Variants in HPSE2 observed in about 807,000 individuals in gnomAD.
HPSE2 encodes inactive heparanase-2.
HPSE2 carries 38 observed loss-of-function variants against 60.5 expected under a neutral mutation model. The observed-to-expected ratio is 0.63, with a 90% confidence interval of 0.48 to 0.82. The LOEUF (loss-of-function observed/expected upper bound fraction) is 0.82. Ranked by LOEUF, HPSE2 falls within the 40% of genes least tolerant of loss-of-function variation. The probability of loss-of-function intolerance (pLI) is 0.00; values close to 1 mark genes in which losing one functional copy is unlikely to be tolerated. For synonymous variants in HPSE2, 295 were observed against 293.2 expected (o/e 1.01, Z -0.06); for missense variants, 713 against 740.4 (o/e 0.96, Z 0.43).
chr10:99,001,416 T>C (rs1463804171), intron 3 of HPSE2, among the ~76,000 whole-genome samples: 1 of 152,136 alleles, frequency 6.6e-6, no homozygotes, highest in Non-Finnish European at 1.5e-5. Context: ...CATTATTCAC[T>C]GTAACGAAAT....
intron 3 of HPSE2, among the ~76,000 whole-genome samples, chr10:99,002,597 A>G (rs1956800743): frequency 6.6e-6 from 1 of 152,140 alleles, no homozygotes; most frequent in Admixed American, 6.5e-5. Context: ...ATCATCAAAA[A>G]CAAGAAAAGT....
chr10:99,015,724 C>A (rs1030988178), intron 3 of HPSE2, among the ~76,000 whole-genome samples: 7 of 151,988 alleles, frequency 4.6e-5, no homozygotes, highest in African/African-American at 1.7e-4. Flanking sequence ...TGTTAAAGGA[C>A]GAGTTAATGG....
At chr10:99,184,522 C>CAAAAAAAAAAAAAAAAAAAAAAAAAAA (rs200059066) in intron 2 of HPSE2, among the ~76,000 whole-genome samples, 1 of 60,788 alleles carries the variant, frequency 1.6e-5, no homozygotes, top group Non-Finnish European at 2.6e-5. Flanking sequence ...GAGACTGTCT[C>CAAAAAAAAAAAAAAAAAAAAAAAAAAA]AAAAAAAAAA....
intron 3 of HPSE2, among the ~76,000 whole-genome samples, chr10:98,804,535 C>G (rs1565175553): frequency 2.0e-5 from 3 of 152,042 alleles, no homozygotes; most frequent in Non-Finnish European, 2.9e-5. Flanking sequence ...AAATGGGGCT[C>G]AACATCATTG....
the HPSE2 span, among the ~76,000 whole-genome samples, chr10:99,312,738 T>C: frequency 6.6e-6 from 1 of 152,238 alleles, no homozygotes; most frequent in South Asian, 2.1e-4. Flanking sequence ...GTCTTATGAT[T>C]TAAGAAATAC....
chr10:98,580,836 A>ATATATATATATATATGTGTGTGTGTG, intron 9 of HPSE2, among the ~76,000 whole-genome samples: 16 of 119,548 alleles, frequency 1.3e-4, no homozygotes, highest in African/African-American at 5.4e-4. Context: ...ATATATATAT[A>ATATATATATATATATGTGTGTGTGTG]TGTGTGTGTG....
At chr10:98,855,651 C>T (rs943133991) in intron 3 of HPSE2, among the ~76,000 whole-genome samples, 2 of 152,016 alleles carry the variant, frequency 1.3e-5, no homozygotes, top group Admixed American at 1.3e-4. Flanking sequence ...TCCCAGTCAA[C>T]CAGAATGAAA....
intron 2 of HPSE2, among the ~76,000 whole-genome samples, chr10:99,195,812 C>A (rs1393353788): frequency 6.6e-6 from 1 of 151,254 alleles, no homozygotes; most frequent in Non-Finnish European, 1.5e-5. Flanking sequence ...CAATGCAATC[C>A]CTATCAAAAT....
chr10:98,956,138 T>C (rs1385305426), intron 3 of HPSE2, among the ~76,000 whole-genome samples: 1 of 152,040 alleles, frequency 6.6e-6, no homozygotes, highest in African/African-American at 2.4e-5. Flanking sequence ...AAACAAAAAG[T>C]AATTTGTTAT....
intron 3 of HPSE2, among the ~76,000 whole-genome samples, chr10:98,966,153 A>C (rs964802772): frequency 1.3e-5 from 2 of 152,134 alleles, no homozygotes; most frequent in African/African-American, 4.8e-5. Flanking sequence ...AGCCTCCCAA[A>C]GTGCTGGGCT....
intron 3 of HPSE2, among the ~76,000 whole-genome samples, chr10:99,066,587 G>A (rs1475908200): frequency 6.6e-6 from 1 of 152,028 alleles, no homozygotes; most frequent in African/African-American, 2.4e-5. Context: ...CTTGTTCAGG[G>A]GAACTCCCAT....
chr10:98,828,073 C>G (rs919183352), intron 3 of HPSE2, among the ~76,000 whole-genome samples: 7 of 152,160 alleles, frequency 4.6e-5, no homozygotes, highest in African/African-American at 1.7e-4. Flanking sequence ...TCTGGGTGTC[C>G]TGCCTACCAG....
At chr10:98,595,706 C>T (rs183276472) in intron 9 of HPSE2, among the ~76,000 whole-genome samples, 1 of 152,174 alleles carries the variant, frequency 6.6e-6, no homozygotes, top group African/African-American at 2.4e-5. Flanking sequence ...TTTCTCTTGC[C>T]TAACTGTCCT....
intron 7 of HPSE2, among the ~76,000 whole-genome samples, chr10:98,639,595 A>C (rs1275477792): frequency 6.6e-6 from 1 of 152,304 alleles, no homozygotes; most frequent in South Asian, 2.1e-4. Context: ...TACCAATTGC[A>C]CGCAGAGTTT....
chr10:98,462,044 C>T (rs998934302), intron 11 of HPSE2, among the ~76,000 whole-genome samples: 7 of 152,086 alleles, frequency 4.6e-5, no homozygotes, highest in African/African-American at 1.4e-4. Flanking sequence ...ACCTCACTGC[C>T]CTGTAGCTTT....
intron 3 of HPSE2, among the ~76,000 whole-genome samples, chr10:98,974,752 C>A (rs148081871): frequency 1.5e-4 from 23 of 152,150 alleles, no homozygotes; most frequent in African/African-American, 5.3e-4. Flanking sequence ...ATGGAAGACA[C>A]AATATAATCA....
chr10:98,459,132 G>T lies in HPSE2; in HGVS notation c.*442C>A. On this transcript the variant is annotated 3_prime_UTR_variant, in exon 12 of 12. Transcript: ENST00000370552. Reference sequence around the variant, plus strand: ...AGAAGAAGGAGTTGGGAGAGGATGGGTTTTTGTAGGTCCACCCAGTTTTTT... The same window carrying T: ...AGAAGAAGGAGTTGGGAGAGGATGGTTTTTTGTAGGTCCACCCAGTTTTTT... 4.1e-6 allele frequency: 1 copy of T among 245,464 alleles called. No individual in the cohort carries two copies. The highest frequency in any genetic ancestry group is 4.9e-5 in the Admixed American group (1 of 20,310). 15.2% of individuals were successfully genotyped at this position (245,464 alleles called of 1,614,324 possible). A position where few individuals can be genotyped will look rare whatever the true frequency, so the allele number is the denominator to read the frequency against.
At chr10:99,216,329 G>A (rs1849125649) in intron 2 of HPSE2, among the ~76,000 whole-genome samples, 1 of 150,812 alleles carries the variant, frequency 6.6e-6, no homozygotes, top group Non-Finnish European at 1.5e-5. Flanking sequence ...TGAGTAGCTT[G>A]GATTACAAGC....
intron 11 of HPSE2, among the ~76,000 whole-genome samples, chr10:98,475,783 C>A (rs1940987529): frequency 6.6e-6 from 1 of 152,088 alleles, no homozygotes; most frequent in Non-Finnish European, 1.5e-5. Context: ...AAAAAATGTG[C>A]TTTTACTAGA....
Sources: gnomAD v4.1 joint callset for allele counts (sites outside exome capture counted in the v4.1 genomes callset) on GRCh38, gnomAD v4.1.1 for gene constraint, MANE v1.5 for transcripts, NCBI Gene and HGNC (gene_info 2026-07-23, HGNC 2026-07-21) for gene names.